SGCZ: variants seen among roughly 807,000 people sequenced by gnomAD.
The protein encoded by SGCZ is zeta-sarcoglycan.
In SGCZ, 40 loss-of-function variants were observed where a neutral mutation model predicts 41.3. The observed-to-expected ratio is 0.97, with a 90% CI of 0.75 to 1.26. The LOEUF (loss-of-function observed/expected upper bound fraction) is 1.26, where lower values mean the gene tolerates loss of function less well. Among genes scored for constraint, SGCZ ranks in the 50% most tolerant of loss-of-function variants. The pLI is 0.00. For synonymous variants in SGCZ, 206 were observed against 137.5 expected, an observed-to-expected ratio of 1.50 and a Z score of -3.49; for missense variants, 552 against 369.8, an observed-to-expected ratio of 1.49 and a Z score of -4.04.
rs906750478 is a variant in SGCZ at position 14,801,830 on chromosome 8, T to C, written c.40-246904A>G. On this transcript the variant is annotated intron_variant, in intron 1 of 7. Transcript: ENST00000382080. Reference sequence around the variant, plus strand: ...CAAATTTTTATGTGCTTTAAAAATATACAAGAGGATGGTTAGAAAAGCAGA... The same window carrying C: ...CAAATTTTTATGTGCTTTAAAAATACACAAGAGGATGGTTAGAAAAGCAGA... 2.0e-4 allele frequency among the ~76,000 whole-genome samples: 26 copies of C among 131,234 alleles called. No individual in the cohort carries two copies. The Admixed American group carries it at 2.1e-3, about 11-fold the overall frequency. 86.1% of individuals were successfully genotyped at this position (131,234 alleles called of 152,430 possible).
intron 1 of SGCZ, among the ~76,000 whole-genome samples, chr8:14,771,401 T>G (rs1184053439): frequency 6.6e-5 from 10 of 152,136 alleles, no homozygotes. Context: ...GTATTGAGCT[T>G]CACATGGCTA....
chr8:14,896,607 G>T (rs966857758), intron 1 of SGCZ, among the ~76,000 whole-genome samples: 16 of 151,844 alleles, frequency 1.1e-4, no homozygotes, highest in African/African-American at 3.9e-4. Flanking sequence ...CTCCTAGGTA[G>T]CTGGGATTAC....
chr8:14,091,281 G>A (rs1801682411), intron 7 of SGCZ, among the ~76,000 whole-genome samples: 1 of 151,736 alleles, frequency 6.6e-6, no homozygotes, highest in South Asian at 2.1e-4. Flanking sequence ...ATTGTGAAGA[G>A]TGCCGCAATA....
At chr8:14,468,481 A>G (rs952904856) in intron 2 of SGCZ, among the ~76,000 whole-genome samples, 14 of 152,104 alleles carry the variant, frequency 9.2e-5, no homozygotes, top group African/African-American at 3.4e-4. Context: ...AATGGCTTAT[A>G]GCTGTTTCAT....
intron 1 of SGCZ, among the ~76,000 whole-genome samples, chr8:14,937,733 G>GT (rs1023824838): frequency 2.6e-5 from 4 of 151,898 alleles, no homozygotes; most frequent in African/African-American, 9.7e-5. Flanking sequence ...TTTTCTGTAA[G>GT]TTTTTTTGTC....
chr8:15,145,569 T>C (rs1799014555), intron 1 of SGCZ, among the ~76,000 whole-genome samples: 1 of 152,138 alleles, frequency 6.6e-6, no homozygotes, highest in South Asian at 2.1e-4. Context: ...TGGATTTGAG[T>C]AATCCTCCTG....
intron 2 of SGCZ, among the ~76,000 whole-genome samples, chr8:14,408,950 A>AGTGT (rs36121697): frequency 6.3e-5 from 8 of 126,310 alleles, no homozygotes; most frequent in African/African-American, 1.5e-4. Flanking sequence ...TTAAATTAAG[A>AGTGT]GAGTGTGTGT....
At chr8:15,012,476 A>AAT (rs199760961) in intron 1 of SGCZ, among the ~76,000 whole-genome samples, 89 of 139,924 alleles carry the variant, frequency 6.4e-4, no homozygotes, top group Admixed American at 1.8e-3. Context: ...AATAAATATA[A>AAT]ATATATATAT....
At chr8:14,362,072 G>C (rs1236605042) in intron 2 of SGCZ, among the ~76,000 whole-genome samples, 5 of 152,146 alleles carry the variant, frequency 3.3e-5, no homozygotes. Context: ...TCTCAGAGGG[G>C]CACCTGCCTG....
chr8:15,117,710 T>A (rs77450833), intron 1 of SGCZ, among the ~76,000 whole-genome samples: 3,333 of 152,320 alleles, frequency 0.022, 108 homozygotes, highest in African/African-American at 0.069. Context: ...TTATTTTCCA[T>A]ATTCCCCTAT....
chr8:14,742,141 C>G (rs982894199), intron 1 of SGCZ, among the ~76,000 whole-genome samples: 2 of 151,830 alleles, frequency 1.3e-5, no homozygotes, highest in Non-Finnish European at 2.9e-5. Flanking sequence ...GAAACATGAG[C>G]CTAAAGTTTA....
chr8:15,149,711 C>CAAAAAAAAAAAAAAAAAAAAAAAAA (rs750167614), intron 1 of SGCZ, among the ~76,000 whole-genome samples: 1 of 57,262 alleles, frequency 1.7e-5, no homozygotes, highest in African/African-American at 4.5e-5. Flanking sequence ...CTATAAACTA[C>CAAAAAAAAAAAAAAAAAAAAAAAAA]AAAAAAAAAA....
chr8:15,017,950 G>A (rs1041211217), intron 1 of SGCZ, among the ~76,000 whole-genome samples: 1 of 151,990 alleles, frequency 6.6e-6, no homozygotes, highest in Non-Finnish European at 1.5e-5. Flanking sequence ...GTCTGGTCTT[G>A]AACCCCTGGC....
intron 2 of SGCZ, among the ~76,000 whole-genome samples, chr8:14,544,618 T>C (rs11997809): frequency 0.043 from 6,491 of 152,140 alleles, 199 homozygotes; most frequent in East Asian, 0.18. Flanking sequence ...GCAGTTGAGA[T>C]AAGGACTGAG....
At chr8:14,579,508 C>T (rs1241854770) in intron 1 of SGCZ, among the ~76,000 whole-genome samples, 2 of 152,152 alleles carry the variant, frequency 1.3e-5, no homozygotes, top group Admixed American at 1.3e-4. Context: ...GAATGACTTC[C>T]CTGATTCTTT....
chr8:14,451,375 T>A (rs1489690945), intron 2 of SGCZ, among the ~76,000 whole-genome samples: 1 of 152,208 alleles, frequency 6.6e-6, no homozygotes, highest in Non-Finnish European at 1.5e-5. Context: ...CCAATCTTAT[T>A]TCAGGGTACA....
At chr8:14,675,600 T>C (rs1808251897) in intron 1 of SGCZ, among the ~76,000 whole-genome samples, 1 of 152,078 alleles carries the variant, frequency 6.6e-6, no homozygotes, top group Non-Finnish European at 1.5e-5. Flanking sequence ...TACACTGAGC[T>C]CCTACTGTTT....
Position 14,605,112 on chromosome 8 carries a change from T to C in SGCZ, c.40-50186A>G, listed in dbSNP as rs750622438. On this transcript the variant is annotated intron_variant, in intron 1 of 7. Coordinates refer to ENST00000382080, the MANE Select transcript of SGCZ (RefSeq NM_139167.4). ...TACATCCTGGCTCCCGTTAATTTGT[T>C]AAAAGGGTTCAGCAGAAGAATATTC... 2.4e-4 allele frequency among the ~76,000 whole-genome samples: 36 copies of C among 152,164 alleles called. 1 individual carries two copies. The highest frequency in any genetic ancestry group is 4.7e-4 in the Non-Finnish European group (32 of 68,024).
At position 14,702,813 on chromosome 8, in the gene SGCZ, G is replaced by GTAGA. The variant is rs71209077; in HGVS notation, c.40-147891_40-147888dup. On this transcript the variant is annotated intron_variant, in intron 1 of 7. Transcript: ENST00000382080. ...GACAGGCAGACAGGTAGGTAGTTAGGTAGATAGATAGATAGATAGATAGAT... is the reference window on the plus strand; with the variant it reads ...GACAGGCAGACAGGTAGGTAGTTAGGTAGATAGATAGATAGATAGATAGATAGAT... 3.5e-3 allele frequency among the ~76,000 whole-genome samples: 405 copies of GTAGA among 115,366 alleles called. 2 individuals carry two copies. Among genetic ancestry groups the GTAGA allele is most frequent in the East Asian group, 7.3e-3 (29 of 3,998 alleles). 75.7% of individuals were successfully genotyped at this position (115,366 alleles called of 152,430 possible). A position where few individuals can be genotyped will look rare whatever the true frequency, so the allele number is the denominator to read the frequency against.
Sources: gnomAD v4.1 joint callset for allele counts (sites outside exome capture counted in the v4.1 genomes callset) on GRCh38, gnomAD v4.1.1 for gene constraint, MANE v1.5 for transcripts, NCBI Gene and HGNC (gene_info 2026-07-23, HGNC 2026-07-21) for gene names.